Variants in POFUT4 observed in about 807,000 individuals in gnomAD.
POFUT4 encodes the protein protein O-fucosyltransferase 4.
At chr10:73,775,346 C>T in the POFUT4 span, 1 of 1,327,804 alleles carries the variant, frequency 7.5e-7, no homozygotes, top group Non-Finnish European at 1.1e-6. Flanking sequence ...TGTGTGATGT[C>T]TTTGTGTTTG....
the POFUT4 span, chr10:73,773,201 C>T: frequency 5.0e-6 from 8 of 1,610,316 alleles, no homozygotes; most frequent in Non-Finnish European, 6.8e-6. Context: ...TAGACTCCTA[C>T]GGGAAATGCC....
the POFUT4 span, chr10:73,772,803 G>T: frequency 6.2e-7 from 1 of 1,611,702 alleles, no homozygotes. Flanking sequence ...TTCTTGCTGA[G>T]CCACGGCCCG....
At chr10:73,776,974 C>T in the POFUT4 span, among the ~76,000 whole-genome samples, 5 of 152,180 alleles carry the variant, frequency 3.3e-5, no homozygotes, top group Non-Finnish European at 7.3e-5. Context: ...CCACCGCACC[C>T]GGCCTCAAAT....
chr10:73,774,082 A>T, the POFUT4 span: 1 of 438,620 alleles, frequency 2.3e-6, no homozygotes, highest in South Asian at 4.0e-5. Flanking sequence ...GAACCAGAGT[A>T]CAGGGCCTGT....
the POFUT4 span, among the ~76,000 whole-genome samples, chr10:73,778,631 TATAG>T: frequency 1.2e-4 from 19 of 152,266 alleles, no homozygotes; most frequent in Admixed American, 4.6e-4. Context: ...TATCTACCTA[TATAG>T]ATAGATATAT....
At chr10:73,773,121 GTCCAGGACTCCAGGT>G in the POFUT4 span, 1 of 370,076 alleles carries the variant, frequency 2.7e-6, no homozygotes, top group African/African-American at 2.5e-5. Context: ...GACTCCAGGT[GTCCAGGACTCCAGGT>G]GTCCAGGCCT....
the POFUT4 span, chr10:73,773,172 T>C: frequency 2.5e-6 from 4 of 1,593,620 alleles, no homozygotes; most frequent in Admixed American, 6.9e-5. Context: ...CATGACAGCC[T>C]TACTGTACCC....
the POFUT4 span, chr10:73,773,359 T>G: frequency 1.2e-6 from 2 of 1,614,128 alleles, no homozygotes; most frequent in Non-Finnish European, 1.7e-6. Flanking sequence ...ACAGAAAAAC[T>G]GTGGCGTCCC....
the POFUT4 span, among the ~76,000 whole-genome samples, chr10:73,777,364 CT>C: frequency 6.7e-6 from 1 of 149,164 alleles, no homozygotes; most frequent in South Asian, 2.1e-4. Flanking sequence ...GGTCCTAATT[CT>C]TTTGTTTGCC....
the POFUT4 span, among the ~76,000 whole-genome samples, chr10:73,778,326 G>C: frequency 6.7e-6 from 1 of 149,140 alleles, no homozygotes; most frequent in Non-Finnish European, 1.5e-5. Context: ...CTGGGAGGCA[G>C]AGGTTGCAGT....
At chr10:73,772,867 G>C in the POFUT4 span, 1 of 1,612,244 alleles carries the variant, frequency 6.2e-7, no homozygotes, top group South Asian at 1.1e-5. Flanking sequence ...CGGATTACCC[G>C]CTGTCGCTGC....
the POFUT4 span, chr10:73,779,998 T>C: frequency 6.6e-6 from 1 of 152,216 alleles, no homozygotes; most frequent in African/African-American, 2.4e-5. Flanking sequence ...GAACCAGGAA[T>C]AGCCACATGA....
At chr10:73,775,815 T>C in the POFUT4 span, 6 of 981,288 alleles carry the variant, frequency 6.1e-6, no homozygotes, top group Non-Finnish European at 7.6e-6. Context: ...ATTCCAGTTT[T>C]ATCTATTAAG....
At chr10:73,772,353 G>A in the POFUT4 span, 10 of 1,494,208 alleles carry the variant, frequency 6.7e-6, no homozygotes, top group East Asian at 2.1e-4. Context: ...GGCCCCATTA[G>A]GGTGGTGTTG....
chr10:73,775,186 A>C, the POFUT4 span: 1,572 of 538,270 alleles, frequency 2.9e-3, 11 homozygotes, highest in Non-Finnish European at 4.2e-3. Flanking sequence ...GTGAAACTTA[A>C]AAGATAATCA....
chr10:73,776,231 C>CTTAT, the POFUT4 span: 1 of 151,938 alleles, frequency 6.6e-6, no homozygotes, highest in African/African-American at 2.4e-5. Context: ...TTCTATTTTA[C>CTTAT]TTATTTATTT....
the POFUT4 span, among the ~76,000 whole-genome samples, chr10:73,777,761 G>T: frequency 1.3e-5 from 2 of 152,014 alleles, no homozygotes; most frequent in Non-Finnish European, 2.9e-5. Flanking sequence ...CACCATGTTG[G>T]CCAGTCTGGT....
the POFUT4 span, chr10:73,772,405 T>A: frequency 6.4e-7 from 1 of 1,572,272 alleles, no homozygotes; most frequent in Non-Finnish European, 8.6e-7. Flanking sequence ...CCAGCGGCCA[T>A]GGGTCCGTAG....
the POFUT4 span, chr10:73,775,768 AC>A: frequency 7.5e-7 from 1 of 1,341,588 alleles, no homozygotes; most frequent in Non-Finnish European, 1.0e-6. Context: ...CACTGCACAA[AC>A]CCTTAATGAA....
Sources: allele counts gnomAD v4.1 joint callset (sites outside exome capture counted in the v4.1 genomes callset), GRCh38; gene constraint gnomAD v4.1.1; transcripts MANE v1.5; gene names NCBI Gene and HGNC (gene_info 2026-07-23, HGNC 2026-07-21).